Variants in AKAP19 observed in about 807,000 individuals in gnomAD.
AKAP19 encodes small A-kinase anchoring protein.
chr2:190,059,114 C>G, the AKAP19 span, among the ~76,000 whole-genome samples: 716 of 151,540 alleles, frequency 4.7e-3, 5 homozygotes, highest in African/African-American at 0.016. Flanking sequence ...ATTATATCAT[C>G]TTTATAACTA....
the AKAP19 span, among the ~76,000 whole-genome samples, chr2:190,175,284 A>G: frequency 6.6e-6 from 1 of 152,264 alleles, no homozygotes; most frequent in South Asian, 2.1e-4. Context: ...GTTTACGGAC[A>G]GATGCACATC....
the AKAP19 span, among the ~76,000 whole-genome samples, chr2:190,124,137 T>G: frequency 6.6e-6 from 1 of 152,200 alleles, no homozygotes; most frequent in African/African-American, 2.4e-5. Context: ...GTCTCCAGAT[T>G]GCAGATGGCC....
chr2:190,016,748 A>G, the AKAP19 span, among the ~76,000 whole-genome samples: 3 of 152,190 alleles, frequency 2.0e-5, no homozygotes, highest in Non-Finnish European at 4.4e-5. Flanking sequence ...CTTAAGAATA[A>G]TGTATATTTC....
the AKAP19 span, chr2:189,923,710 T>C: frequency 1.9e-6 from 3 of 1,613,816 alleles, no homozygotes; most frequent in Non-Finnish European, 1.7e-6. Flanking sequence ...GGATGTACAG[T>C]TACCCAGCAC....
At chr2:190,109,759 A>G in the AKAP19 span, among the ~76,000 whole-genome samples, 1 of 152,154 alleles carries the variant, frequency 6.6e-6, no homozygotes, top group Admixed American at 6.5e-5. Context: ...CTTCTAAAGA[A>G]ACCTATAACT....
At chr2:190,057,409 A>T in the AKAP19 span, 2 of 1,613,558 alleles carry the variant, frequency 1.2e-6, no homozygotes, top group Non-Finnish European at 1.7e-6. Flanking sequence ...TTGGTGTACC[A>T]GATGAGTATG....
chr2:190,047,773 G>A, the AKAP19 span, among the ~76,000 whole-genome samples: 1 of 152,160 alleles, frequency 6.6e-6, no homozygotes, highest in Non-Finnish European at 1.5e-5. Flanking sequence ...TCCTTTGAGA[G>A]GCTGAATGAC....
the AKAP19 span, chr2:190,200,701 G>GTAAC: frequency 5.9e-6 from 1 of 169,734 alleles, no homozygotes; most frequent in South Asian, 2.0e-4. Context: ...GATGAGAAGT[G>GTAAC]TAACTACCAC....
At chr2:189,921,174 A>G in the AKAP19 span, among the ~76,000 whole-genome samples, 1 of 152,210 alleles carries the variant, frequency 6.6e-6, no homozygotes, top group African/African-American at 2.4e-5. Flanking sequence ...TGTGTTTTGT[A>G]ACCACACCAT....
the AKAP19 span, among the ~76,000 whole-genome samples, chr2:189,903,780 C>G: frequency 6.6e-6 from 1 of 151,892 alleles, no homozygotes; most frequent in South Asian, 2.1e-4. Flanking sequence ...TTTTCCAACC[C>G]ATGTTCCCCC....
chr2:190,098,548 G>A, the AKAP19 span, among the ~76,000 whole-genome samples: 1 of 152,198 alleles, frequency 6.6e-6, no homozygotes, highest in Admixed American at 6.5e-5. Flanking sequence ...AGCACGAGCA[G>A]AGTAGATCTA....
the AKAP19 span, among the ~76,000 whole-genome samples, chr2:189,886,141 A>G: frequency 2.0e-5 from 3 of 152,296 alleles, no homozygotes; most frequent in South Asian, 6.2e-4. Flanking sequence ...TGTATGAGTC[A>G]TGTCTTATGA....
At chr2:189,953,634 C>CAAAAAAAAAAA in the AKAP19 span, among the ~76,000 whole-genome samples, 1 of 72,824 alleles carries the variant, frequency 1.4e-5, no homozygotes. Flanking sequence ...AACTCCATCT[C>CAAAAAAAAAAA]AAAAAAAAAA....
the AKAP19 span, among the ~76,000 whole-genome samples, chr2:189,944,076 G>A: frequency 2.9e-4 from 44 of 152,276 alleles, no homozygotes; most frequent in African/African-American, 8.4e-4. Context: ...CATACAAGGC[G>A]GGCTAGTATT....
chr2:190,108,802 T>TTA, the AKAP19 span, among the ~76,000 whole-genome samples: 1 of 148,234 alleles, frequency 6.7e-6, no homozygotes, highest in Non-Finnish European at 1.5e-5. Context: ...TTTTTTTTTT[T>TTA]AACTTCTGGA....
the AKAP19 span, among the ~76,000 whole-genome samples, chr2:189,948,416 C>G: frequency 6.6e-6 from 1 of 151,418 alleles, no homozygotes; most frequent in Non-Finnish European, 1.5e-5. Flanking sequence ...ATAGTTTTTT[C>G]CTTAGTACAG....
At chr2:190,038,931 C>CTTCTTCTTCTTCTTCTTCTTT in the AKAP19 span, among the ~76,000 whole-genome samples, 1 of 138,404 alleles carries the variant, frequency 7.2e-6, no homozygotes, top group African/African-American at 3.0e-5. Flanking sequence ...TCTTCTTCTT[C>CTTCTTCTTCTTCTTCTTCTTT]TTCTTCTTCT....
chr2:189,947,605 G>A, the AKAP19 span, among the ~76,000 whole-genome samples: 1 of 151,946 alleles, frequency 6.6e-6, no homozygotes, highest in Admixed American at 6.6e-5. Flanking sequence ...ATTAAATGAT[G>A]ATAATAATTA....
chr2:190,156,279 T>C, the AKAP19 span, among the ~76,000 whole-genome samples: 2 of 152,158 alleles, frequency 1.3e-5, no homozygotes, highest in East Asian at 3.8e-4. Flanking sequence ...GGAAAAAAAG[T>C]ATTAATATAT....
Sources: allele counts gnomAD v4.1 joint callset (sites outside exome capture counted in the v4.1 genomes callset), GRCh38; gene constraint gnomAD v4.1.1; transcripts MANE v1.5; gene names NCBI Gene and HGNC (gene_info 2026-07-23, HGNC 2026-07-21).